The following CRCP variants were observed in gnomAD, a reference collection of about 807,000 sequenced individuals.
The protein encoded by CRCP is DNA-directed RNA polymerase III subunit RPC9.
In CRCP, 18 loss-of-function variants were observed where a neutral mutation model predicts 18.5. That is an observed-to-expected ratio of 0.97 (90% CI 0.67 to 1.44). The LOEUF is 1.44. Ranked by LOEUF, CRCP falls within the 40% of genes most tolerant of loss-of-function variation. CRCP has a pLI of 0.00. For missense variants in CRCP, 130 were observed against 176.4 expected (o/e 0.74, Z 1.49); for synonymous variants, 53 against 62.9 (o/e 0.84, Z 0.75).
intron 4 of CRCP, 89 bp downstream of exon 4, chr7:66,134,463 G>T: frequency 1.1e-6 from 1 of 928,986 alleles, no homozygotes; most frequent in Non-Finnish European, 1.7e-6. Flanking sequence ...ATATTCGGCT[G>T]GGTTTGGATT....
At chr7:66,143,055 C>A (rs1788185859) in intron 4 of CRCP, among the ~76,000 whole-genome samples, 1 of 152,124 alleles carries the variant, frequency 6.6e-6, no homozygotes. Flanking sequence ...ACAACCTAAC[C>A]TTGACTCTAT....
chr7:66,131,718 C>T (rs1458619304), intron 3 of CRCP, among the ~76,000 whole-genome samples: 1 of 151,840 alleles, frequency 6.6e-6, no homozygotes, highest in Non-Finnish European at 1.5e-5. Context: ...AGCATCACAT[C>T]ATTGCAAATC....
intron 4 of CRCP, among the ~76,000 whole-genome samples, chr7:66,142,090 C>T (rs76098424): frequency 0.018 from 2,691 of 152,256 alleles, 62 homozygotes; most frequent in East Asian, 0.093. Context: ...TCTTCTCCCT[C>T]TTCACGTGGA....
At chr7:66,133,196 G>A (rs1224988216) in intron 3 of CRCP, among the ~76,000 whole-genome samples, 1 of 152,002 alleles carries the variant, frequency 6.6e-6, no homozygotes, top group Non-Finnish European at 1.5e-5. Context: ...AATTGCCTAA[G>A]AGTGATTTAA....
intron 1 of CRCP, among the ~76,000 whole-genome samples, chr7:66,116,693 A>G (rs536262641): frequency 6.6e-6 from 1 of 152,224 alleles, no homozygotes; most frequent in South Asian, 2.1e-4. Flanking sequence ...CCGTCCCCAC[A>G]TACATGTCCC....
Position 66,134,379 on chromosome 7 carries a change from G to A in CRCP, c.239+5G>A, listed in dbSNP as rs774067598. The stretch of plus-strand genomic sequence containing the variant: ...GAAAAGCCACAAGTTGACCAAGTAA[G>A]TAAATCTCTTAAGTAGGAAGAGCGT... On this transcript the variant is annotated splice_donor_5th_base_variant and intron_variant, in intron 4 of 5. Coordinates refer to ENST00000395326, the MANE Select transcript of CRCP (RefSeq NM_014478.5). The A allele has an allele frequency of 2.5e-6, 4 of 1,585,866 alleles. No individual in the cohort carries two copies. Among genetic ancestry groups the A allele is most frequent in the Admixed American group, 3.5e-5 (2 of 57,292 alleles).
chr7:66,140,754 C>T (rs1475370024), intron 4 of CRCP, among the ~76,000 whole-genome samples: 2 of 152,146 alleles, frequency 1.3e-5, no homozygotes, highest in African/African-American at 4.8e-5. Context: ...CCTCCATCTT[C>T]TCCTGTAGCA....
At chr7:66,122,955 CTT>C (rs199515487) in intron 1 of CRCP, among the ~76,000 whole-genome samples, 75,500 of 117,908 alleles carry the variant, frequency 0.64, 21,397 homozygotes, top group African/African-American at 0.72. Context: ...TTCTTTCTTT[CTT>C]TTTTTTTTTT....
intron 5 of CRCP, 115 bp downstream of exon 5, chr7:66,145,615 T>TC: frequency 9.1e-7 from 1 of 1,104,658 alleles, no homozygotes; most frequent in Non-Finnish European, 1.4e-6. Flanking sequence ...CCACTCCATT[T>TC]CTTAAGGAAA....
chr7:66,130,018 G>A (rs1277640157), intron 2 of CRCP: 1 of 252,768 alleles, frequency 4.0e-6, no homozygotes, highest in Non-Finnish European at 7.4e-6. Flanking sequence ...GGTAAACTCT[G>A]TCTTATCACT....
At chr7:66,138,792 C>CAAAAAA (rs35447994) in intron 4 of CRCP, among the ~76,000 whole-genome samples, 1 of 131,406 alleles carries the variant, frequency 7.6e-6, no homozygotes, top group Non-Finnish European at 1.6e-5. Context: ...GACTCCGTCT[C>CAAAAAA]AAAAAAAAAA....
rs1788085063 is a variant in CRCP, at chr7:66,139,965, G to T, written c.240-5478G>T. 2.0e-5 allele frequency among the ~76,000 whole-genome samples: 3 copies of T among 152,204 alleles called. No individual in the cohort carries two copies. The South Asian group carries it at 6.2e-4, about 32-fold the overall frequency. ...CACAAGTTCCGAGTTTCTCTCAAAG[G>T]TTTGCCCACCTGTTGTTACTAGAGC... is the stretch of plus-strand genomic sequence containing the variant. On this transcript the variant is annotated intron_variant, in intron 4 of 5. Transcript: ENST00000395326.
chr7:66,136,294 A>G (rs1339059501), intron 4 of CRCP, among the ~76,000 whole-genome samples: 1 of 151,886 alleles, frequency 6.6e-6, no homozygotes, highest in Non-Finnish European at 1.5e-5. Context: ...GCAATGGTGC[A>G]ATCTCGGCTC....
At chr7:66,127,861 C>T in intron 2 of CRCP, 121 bp downstream of exon 2, 1 of 1,095,926 alleles carries the variant, frequency 9.1e-7, no homozygotes, top group Non-Finnish European at 1.4e-6. Flanking sequence ...CGCCTGTAAT[C>T]CCAGCACTTT....
rs1407269311 is a variant in CRCP at position 66,154,251 on chromosome 7, C to A, written c.*1894C>A. On this transcript the variant is annotated 3_prime_UTR_variant, in exon 6 of 6. Transcript: ENST00000395326. ...AGTGCAGTGGCACGATCTCTGCTCA[C>A]TGCAACCTCTGCCTCCCAGATTCAA... 1.4e-5 allele frequency: 2 copies of A among 147,600 alleles called. No individual in the cohort carries two copies. Among genetic ancestry groups the A allele is most frequent in the African/African-American group, 5.0e-5 (2 of 39,798 alleles). The allele number at this position is 147,600 out of a possible 1,614,324, so 9.1% of individuals were successfully genotyped here.
intron 4 of CRCP, among the ~76,000 whole-genome samples, chr7:66,141,339 T>G (rs1387639405): frequency 6.6e-6 from 1 of 152,268 alleles, no homozygotes; most frequent in Non-Finnish European, 1.5e-5. Context: ...TTTTTCATAG[T>G]CATTAACCAC....
Position 66,134,259 on chromosome 7 carries a change from CTT to C in CRCP, c.145-7_145-6del, listed in dbSNP as rs5884583. On this transcript the variant is annotated intron_variant, in intron 3 of 5. Transcript: ENST00000395326. ...TCTTTGTCTTATGCTTGGCTTTTTT[CTT>C]TTTTTTTTTTTTTGCCAGACGTTAA... 0.17 allele frequency: 221,989 copies of C among 1,304,850 alleles called. 2 individuals carry two copies. Among genetic ancestry groups the C allele is most frequent in the Middle Eastern group, 0.2 (786 of 3,872 alleles). 80.8% of individuals were successfully genotyped at this position (1,304,850 alleles called of 1,614,324 possible).
At chr7:66,122,506 C>T (rs1292320478) in intron 1 of CRCP, among the ~76,000 whole-genome samples, 1 of 151,758 alleles carries the variant, frequency 6.6e-6, no homozygotes. Flanking sequence ...TAGTTGTTTA[C>T]ATCCACTTGA....
chr7:66,132,841 G>T (rs1787849533), intron 3 of CRCP, among the ~76,000 whole-genome samples: 1 of 152,050 alleles, frequency 6.6e-6, no homozygotes, highest in Admixed American at 6.6e-5. Flanking sequence ...AACCTGGGAG[G>T]TGGAGCTTGC....
Sources: allele counts gnomAD v4.1 joint callset (sites outside exome capture counted in the v4.1 genomes callset), GRCh38; gene constraint gnomAD v4.1.1; transcripts MANE v1.5; gene names NCBI Gene and HGNC (gene_info 2026-07-23, HGNC 2026-07-21).